The following GSE1 variants were observed in gnomAD, a reference collection of about 807,000 sequenced individuals.
GSE1 encodes Gse1 coiled-coil protein, also known as genetic suppressor element 1.
Under a neutral mutation model 112.6 loss-of-function variants are expected in GSE1, and 32 were observed. The observed-to-expected ratio is 0.28, with a 90% CI of 0.21 to 0.38. The LOEUF (loss-of-function observed/expected upper bound fraction) is 0.38. Among genes scored for constraint, GSE1 ranks in the 10% least tolerant of loss-of-function variants. The pLI is 1.00. For synonymous variants in GSE1, 1,115 were observed against 735.6 expected (o/e 1.52, Z -8.35); for missense variants, 2,348 against 1,699.2 (o/e 1.38, Z -6.71).
chr16:85,301,973 A>C lies in GSE1; in HGVS notation c.2284-55490A>C, dbSNP rs577678865. Reference sequence around the variant, plus strand: ...ATGCCCCAGGAAGATGGCCCTGTCCACCCTCATGGGGCACAGCGCTGGAGA... The same window carrying C: ...ATGCCCCAGGAAGATGGCCCTGTCCCCCCTCATGGGGCACAGCGCTGGAGA... On this transcript the variant is annotated intron_variant, in intron 1 of 2. Transcript: ENST00000637419. Among the ~76,000 whole-genome samples, 4 of 152,236 alleles carry C rather than the reference A, an allele frequency of 2.6e-5. No homozygotes were observed. In the East Asian group the frequency reaches 5.8e-4, roughly 22 times the overall value.
chr16:85,662,643 T>G, intron 9 of GSE1: 1 of 269,710 alleles, frequency 3.7e-6, no homozygotes. Context: ...GGGGAGTGCA[T>G]GTGCACAAGC....
chr16:85,371,682 A>G (rs948392322), intron 2 of GSE1, among the ~76,000 whole-genome samples: 7 of 152,208 alleles, frequency 4.6e-5, no homozygotes, highest in African/African-American at 1.7e-4. Context: ...AGGCTGGCAC[A>G]GAGCCTGGCA....
At position 85,675,081 on chromosome 16, in the gene GSE1, T is replaced by C. The variant is rs1479945461; in HGVS notation, c.*2542T>C. On this transcript the variant is annotated 3_prime_UTR_variant, in exon 16 of 16. Transcript: ENST00000253458. ...TAGTTTCATACTTTGAAAACTTACT[T>C]TCAGATTATTCTCAAAGAACACAGT... 1 of 152,296 alleles carries C rather than the reference T, an allele frequency of 6.6e-6. No homozygotes were observed. The highest frequency in any genetic ancestry group is 1.5e-5 in the Non-Finnish European group (1 of 68,042). The allele number at this position is 152,296 out of a possible 1,614,324, so 9.4% of individuals were successfully genotyped here. A position where few individuals can be genotyped will look rare whatever the true frequency, so the allele number is the denominator to read the frequency against.
intron 2 of GSE1, among the ~76,000 whole-genome samples, chr16:85,481,824 G>T (rs2050689310): frequency 6.6e-6 from 1 of 152,202 alleles, no homozygotes; most frequent in South Asian, 2.1e-4. Context: ...CCATGTTTTG[G>T]GGCCCAGAGA....
intron 2 of GSE1, among the ~76,000 whole-genome samples, chr16:85,460,869 G>T (rs79842760): frequency 6.6e-6 from 1 of 152,232 alleles, no homozygotes; most frequent in African/African-American, 2.4e-5. Flanking sequence ...CCAGGGGACC[G>T]TGAGAGTGGG....
intron 2 of GSE1, among the ~76,000 whole-genome samples, chr16:85,535,374 C>T (rs1400273834): frequency 6.6e-6 from 1 of 152,050 alleles, no homozygotes; most frequent in Non-Finnish European, 1.5e-5. Flanking sequence ...ATGAGATTCT[C>T]CCAGATGGGA....
chr16:85,248,893 G>A (rs776167133), intron 1 of GSE1, among the ~76,000 whole-genome samples: 1 of 152,194 alleles, frequency 6.6e-6, no homozygotes, highest in Non-Finnish European at 1.5e-5. Context: ...CTGGGCACTG[G>A]GCACCCCCGT....
intron 2 of GSE1, among the ~76,000 whole-genome samples, chr16:85,422,527 C>T (rs2048872590): frequency 1.3e-5 from 2 of 151,748 alleles, no homozygotes; most frequent in African/African-American, 4.8e-5. Context: ...CGGGAGTCCC[C>T]TTGTACACAC....
chr16:85,169,606 C>G (rs1231359029), exon 1 of GSE1: 1 of 982,700 alleles, frequency 1.0e-6, no homozygotes, highest in East Asian at 1.2e-4. Flanking sequence ...CGGCGCGCCG[C>G]TCTCCTGCTT....
intron 2 of GSE1, among the ~76,000 whole-genome samples, chr16:85,415,641 T>G (rs972072990): frequency 6.6e-6 from 1 of 152,236 alleles, no homozygotes; most frequent in Non-Finnish European, 1.5e-5. Flanking sequence ...CTGCTCTGTT[T>G]GGAAGAAGAT....
chr16:85,304,055 G>C (rs1419898572), intron 1 of GSE1, among the ~76,000 whole-genome samples: 1 of 152,244 alleles, frequency 6.6e-6, no homozygotes. Context: ...AGAAAAAGCC[G>C]CAGGACAGAG....
chr16:85,307,462 T>C (rs769452211), intron 1 of GSE1, among the ~76,000 whole-genome samples: 31 of 152,324 alleles, frequency 2.0e-4, no homozygotes, highest in Non-Finnish European at 4.1e-4. Context: ...CTCACAGTTA[T>C]AGTTTATTAC....
intron 1 of GSE1, among the ~76,000 whole-genome samples, chr16:85,630,349 C>T (rs564763993): frequency 2.6e-4 from 40 of 152,298 alleles, no homozygotes; most frequent in African/African-American, 7.2e-4. Flanking sequence ...ACTTTATAGA[C>T]ATTCTTTTTA....
At chr16:85,614,416 CT>C (rs1210727947) in intron 1 of GSE1, among the ~76,000 whole-genome samples, 1 of 152,182 alleles carries the variant, frequency 6.6e-6, no homozygotes, top group East Asian at 1.9e-4. Flanking sequence ...CCACCCCCAG[CT>C]TTCCGCCTCC....
At chr16:85,506,834 C>T (rs1329307188) in intron 2 of GSE1, among the ~76,000 whole-genome samples, 2 of 152,162 alleles carry the variant, frequency 1.3e-5, no homozygotes, top group African/African-American at 4.8e-5. Context: ...CTTTGTTCCC[C>T]CAAACCTTAT....
rs1382080076 is a variant in GSE1 at position 85,645,781 on chromosome 16, C to T, written c.227-2771C>T. Among the ~76,000 whole-genome samples the T allele has an allele frequency of 2.0e-5, 3 of 152,226 alleles. 1 individual carries two copies. The highest frequency in any genetic ancestry group is 7.2e-5 in the African/African-American group (3 of 41,468). Reference sequence around the variant, plus strand: ...CGGGAGCTGATGGGCTGGGGTCCTCCTTCTGGAAAGGGCATCTACCTGCTT... The same window carrying T: ...CGGGAGCTGATGGGCTGGGGTCCTCTTTCTGGAAAGGGCATCTACCTGCTT... On this transcript the variant is annotated intron_variant, in intron 2 of 15. Transcript: ENST00000253458.
At chr16:85,201,642 ACTCCGTC>A (rs1157064208) in intron 1 of GSE1, among the ~76,000 whole-genome samples, 2 of 148,514 alleles carry the variant, frequency 1.3e-5, no homozygotes, top group Non-Finnish European at 3.0e-5. Flanking sequence ...AAAGAGCAAG[ACTCCGTC>A]TCAAAAAAAA....
intron 2 of GSE1, among the ~76,000 whole-genome samples, chr16:85,445,956 A>G (rs2049500208): frequency 6.6e-6 from 1 of 152,202 alleles, no homozygotes; most frequent in South Asian, 2.1e-4. Flanking sequence ...GAAATGGGCA[A>G]ATAATGGCAT....
At chr16:85,499,468 G>A (rs552819151) in intron 2 of GSE1, among the ~76,000 whole-genome samples, 2 of 151,684 alleles carry the variant, frequency 1.3e-5, no homozygotes, top group African/African-American at 2.4e-5. Context: ...CCGCCACCAC[G>A]CCCGGCTAAT....
Sources: gnomAD v4.1 joint callset for allele counts (sites outside exome capture counted in the v4.1 genomes callset) on GRCh38, gnomAD v4.1.1 for gene constraint, MANE v1.5 for transcripts, NCBI Gene and HGNC (gene_info 2026-07-23, HGNC 2026-07-21) for gene names.